The following CNTN5 variants were observed in gnomAD, a reference collection of about 807,000 sequenced individuals.
CNTN5 encodes the protein contactin 5.
CNTN5 carries 77 observed loss-of-function variants against 129.1 expected under a neutral mutation model. The ratio of observed to expected loss-of-function variants is 0.60; its 90% CI spans 0.50 to 0.72. CNTN5 has a LOEUF of 0.72. CNTN5 is among the 30% of genes least tolerant of loss of function. The pLI, the probability that CNTN5 is intolerant of heterozygous loss-of-function variation, is 0.00. For missense variants in CNTN5, 1,478 were observed against 1,328.8 expected, an observed-to-expected ratio of 1.11 and a Z score of -1.75; for synonymous variants, 509 against 465.6, an observed-to-expected ratio of 1.09 and a Z score of -1.20.
Position 99,771,375 on chromosome 11 carries a change from TG to T in CNTN5, c.56-48168del. ...AGTAAACGTGAAATAAATACATATATGTACATACATACATATACACACATAT... is the reference window on the plus strand; with the variant it reads ...AGTAAACGTGAAATAAATACATATATTACATACATACATATACACACATAT... On this transcript the variant is annotated intron_variant, in intron 3 of 24. Coordinates refer to ENST00000524871, the MANE Select transcript of CNTN5 (RefSeq NM_014361.4). Among the ~76,000 whole-genome samples, 4 of 152,128 alleles carry T rather than the reference TG, an allele frequency of 2.6e-5. 1 individual carries two copies. The highest frequency in any genetic ancestry group is 2.6e-4 in the Admixed American group (4 of 15,240).
chr11:100,334,007 G>T (rs890503092), intron 21 of CNTN5, among the ~76,000 whole-genome samples: 2 of 152,158 alleles, frequency 1.3e-5, no homozygotes, highest in African/African-American at 4.8e-5. Context: ...AACCCACAGA[G>T]TGGGAGAGAA....
chr11:100,236,325 C>T (rs552691852), intron 16 of CNTN5, among the ~76,000 whole-genome samples: 86 of 152,160 alleles, frequency 5.7e-4, no homozygotes, highest in Non-Finnish European at 9.4e-4. Context: ...TCCATCTGAC[C>T]GAGGAAAGCC....
chr11:99,850,603 C>A (rs1947842925), intron 6 of CNTN5, among the ~76,000 whole-genome samples: 1 of 151,982 alleles, frequency 6.6e-6, no homozygotes, highest in African/African-American at 2.4e-5. Flanking sequence ...ATGTTTACCT[C>A]TTTCGAAAGG....
chr11:99,687,104 A>G (rs1188383080), intron 3 of CNTN5, among the ~76,000 whole-genome samples: 1 of 152,202 alleles, frequency 6.6e-6, no homozygotes, highest in African/African-American at 2.4e-5. Flanking sequence ...TATTTATACA[A>G]GAAGAACTTG....
chr11:100,192,156 C>T (rs967625040), intron 14 of CNTN5, among the ~76,000 whole-genome samples: 9 of 151,900 alleles, frequency 5.9e-5, no homozygotes, highest in African/African-American at 1.4e-4. Flanking sequence ...TGGACTCAAA[C>T]GCAGCCTTTC....
chr11:99,369,356 A>G (rs1328918077), intron 2 of CNTN5, among the ~76,000 whole-genome samples: 5 of 151,160 alleles, frequency 3.3e-5, no homozygotes, highest in African/African-American at 7.3e-5. Context: ...TGTTAAGGCC[A>G]TCTTGGTCAC....
At chr11:99,929,737 A>T (rs4414190) in intron 7 of CNTN5, among the ~76,000 whole-genome samples, 46,052 of 152,004 alleles carry the variant, frequency 0.3, 8,218 homozygotes, top group South Asian at 0.4. Context: ...CCCTCCTAAG[A>T]CATGTGGAGA....
intron 6 of CNTN5, among the ~76,000 whole-genome samples, chr11:99,904,224 C>T (rs1014679453): frequency 2.0e-5 from 3 of 152,212 alleles, no homozygotes; most frequent in Admixed American, 2.0e-4. Flanking sequence ...TGGTTTCCTG[C>T]ACCCATCAAC....
chr11:99,493,755 A>G (rs1368681289), intron 2 of CNTN5, among the ~76,000 whole-genome samples: 1 of 152,188 alleles, frequency 6.6e-6, no homozygotes, highest in East Asian at 1.9e-4. Flanking sequence ...ATTTGAGCAA[A>G]CGATTGGTCC....
intron 21 of CNTN5, chr11:100,337,134 A>T: frequency 7.1e-7 from 1 of 1,411,856 alleles, no homozygotes; most frequent in South Asian, 1.2e-5. Flanking sequence ...TTTACAAAAT[A>T]GATGACATGA....
chr11:100,181,651 T>C (rs1401607316), intron 13 of CNTN5, among the ~76,000 whole-genome samples: 1 of 152,018 alleles, frequency 6.6e-6, no homozygotes, highest in Non-Finnish European at 1.5e-5. Context: ...TACTATAATT[T>C]TGTAAAATAT....
At chr11:99,130,656 A>G (rs1204125370) in intron 1 of CNTN5, among the ~76,000 whole-genome samples, 1 of 151,626 alleles carries the variant, frequency 6.6e-6, no homozygotes, top group African/African-American at 2.4e-5. Context: ...AACAGAATAT[A>G]TATTTTTATG....
chr11:100,046,906 AT>A (rs11442291), intron 9 of CNTN5, among the ~76,000 whole-genome samples: 11 of 151,820 alleles, frequency 7.2e-5, no homozygotes, highest in South Asian at 2.1e-4. Flanking sequence ...TTTTCCAGGA[AT>A]TTTTTTTTAT....
At chr11:99,166,390 A>C (rs1462482883) in intron 1 of CNTN5, among the ~76,000 whole-genome samples, 3 of 132,534 alleles carry the variant, frequency 2.3e-5, no homozygotes, top group African/African-American at 8.8e-5. Context: ...ACAGAGCAAG[A>C]CTCTGTCAAA....
intron 3 of CNTN5, among the ~76,000 whole-genome samples, chr11:99,792,982 G>A (rs1945804771): frequency 1.3e-5 from 2 of 151,884 alleles, no homozygotes; most frequent in Non-Finnish European, 2.9e-5. Flanking sequence ...TCCCCTTTGG[G>A]ATATCTGATA....
chr11:99,524,524 C>G (rs900441527), intron 2 of CNTN5, among the ~76,000 whole-genome samples: 9 of 151,970 alleles, frequency 5.9e-5, no homozygotes, highest in Non-Finnish European at 1.2e-4. Context: ...TATATTTATA[C>G]TTATAGGCCG....
chr11:99,314,328 G>C (rs151039697), intron 1 of CNTN5, among the ~76,000 whole-genome samples: 1 of 152,146 alleles, frequency 6.6e-6, no homozygotes, highest in Admixed American at 6.6e-5. Flanking sequence ...TACAGATGCA[G>C]TTTGATAGAA....
chr11:100,083,529 G>A (rs1239584085), intron 13 of CNTN5, among the ~76,000 whole-genome samples: 6 of 152,002 alleles, frequency 3.9e-5, no homozygotes, highest in Non-Finnish European at 5.9e-5. Flanking sequence ...GGACAAACAT[G>A]TAAACCGTAC....
chr11:99,192,449 A>G (rs1302133490), intron 1 of CNTN5, among the ~76,000 whole-genome samples: 1 of 151,800 alleles, frequency 6.6e-6, no homozygotes, highest in African/African-American at 2.4e-5. Context: ...GGAAAAGTCA[A>G]TTGCAAAATT....
Sources: gnomAD v4.1 joint callset for allele counts (sites outside exome capture counted in the v4.1 genomes callset) on GRCh38, gnomAD v4.1.1 for gene constraint, MANE v1.5 for transcripts, NCBI Gene and HGNC (gene_info 2026-07-23, HGNC 2026-07-21) for gene names.